The following GRIA1 variants were observed in gnomAD, a reference collection of about 807,000 sequenced individuals.
GRIA1 encodes glutamate receptor 1.
Under a neutral mutation model 99.2 loss-of-function variants are expected in GRIA1, and 31 were observed. That is an observed-to-expected ratio of 0.31 (90% CI 0.23 to 0.42). The LOEUF is 0.42. GRIA1 is among the 10% of genes least tolerant of loss of function. The pLI, the probability that GRIA1 is intolerant of heterozygous loss-of-function variation, is 1.00. For synonymous variants in GRIA1, 438 were observed against 432.4 expected (o/e 1.01, Z -0.16); for missense variants, 782 against 1,157.5 (o/e 0.68, Z 4.71).
intron 2 of GRIA1, among the ~76,000 whole-genome samples, chr5:153,538,555 G>T (rs572355917): frequency 3.3e-5 from 5 of 152,210 alleles, no homozygotes; most frequent in Non-Finnish European, 7.4e-5. Context: ...GTAAGAATAG[G>T]TGGCTCTTAG....
chr5:153,505,009 G>T (rs1755358625), intron 2 of GRIA1, among the ~76,000 whole-genome samples: 1 of 152,124 alleles, frequency 6.6e-6, no homozygotes, highest in African/African-American at 2.4e-5. Flanking sequence ...TTTTTGGCAG[G>T]AACGAAACCT....
At chr5:153,619,703 AGAG>A (rs1048992370) in intron 2 of GRIA1, among the ~76,000 whole-genome samples, 16 of 144,654 alleles carry the variant, frequency 1.1e-4, no homozygotes, top group African/African-American at 4.0e-4. Context: ...TTTAAAAAAA[AGAG>A]AGAGAGAGAG....
At chr5:153,775,921 G>T (rs1764218508) in intron 13 of GRIA1, among the ~76,000 whole-genome samples, 1 of 151,666 alleles carries the variant, frequency 6.6e-6, no homozygotes, top group Admixed American at 6.6e-5. Flanking sequence ...AAAACATGGG[G>T]CTTGTTTTCA....
chr5:153,683,439 G>A (rs1466067897), intron 7 of GRIA1, among the ~76,000 whole-genome samples: 2 of 152,128 alleles, frequency 1.3e-5, no homozygotes, highest in African/African-American at 4.8e-5. Flanking sequence ...TCAGCTCTGA[G>A]TCTCAATAAT....
At chr5:153,533,300 C>A (rs1001841928) in intron 2 of GRIA1, among the ~76,000 whole-genome samples, 2 of 151,756 alleles carry the variant, frequency 1.3e-5, no homozygotes, top group Admixed American at 1.3e-4. Flanking sequence ...CTGAGTTGCA[C>A]AAAAGAAACG....
intron 2 of GRIA1, among the ~76,000 whole-genome samples, chr5:153,508,337 A>G (rs142355991): frequency 8.5e-5 from 13 of 152,318 alleles, no homozygotes; most frequent in African/African-American, 3.1e-4. Context: ...TGACTGAGGA[A>G]CCAAATCTTT....
chr5:153,679,589 T>C (rs1206656052), intron 7 of GRIA1, among the ~76,000 whole-genome samples: 1 of 152,226 alleles, frequency 6.6e-6, no homozygotes, highest in Admixed American at 6.5e-5. Flanking sequence ...CTTATAAGCA[T>C]TGACCTCTGG....
chr5:153,602,739 T>C (rs376565122), intron 2 of GRIA1, among the ~76,000 whole-genome samples: 7 of 152,012 alleles, frequency 4.6e-5, no homozygotes, highest in South Asian at 2.1e-4. Context: ...AGTTCCCACA[T>C]CTCTACGATG....
chr5:153,569,630 G>A (rs542523398), intron 2 of GRIA1, among the ~76,000 whole-genome samples: 32 of 152,332 alleles, frequency 2.1e-4, no homozygotes, highest in South Asian at 1.2e-3. Context: ...TTTTGTGTTT[G>A]CTTAGTACTT....
At chr5:153,656,602 G>A (rs1422899) in intron 5 of GRIA1, among the ~76,000 whole-genome samples, 3 of 151,292 alleles carry the variant, frequency 2.0e-5, no homozygotes, top group African/African-American at 7.3e-5. Flanking sequence ...TGTACCTCCA[G>A]CTTTTTTGTC....
At chr5:153,611,592 G>A (rs1765988354) in intron 2 of GRIA1, among the ~76,000 whole-genome samples, 3 of 152,142 alleles carry the variant, frequency 2.0e-5, no homozygotes, top group Non-Finnish European at 2.9e-5. Context: ...CTGGTGGTCA[G>A]TGGTGATTCT....
intron 2 of GRIA1, among the ~76,000 whole-genome samples, chr5:153,604,902 T>C (rs1033305094): frequency 6.6e-6 from 1 of 152,034 alleles, no homozygotes; most frequent in Non-Finnish European, 1.5e-5. Flanking sequence ...ACATTTAGAA[T>C]ACCTAAAATC....
At chr5:153,756,910 T>C (rs767176454) in intron 11 of GRIA1, among the ~76,000 whole-genome samples, 25 of 152,176 alleles carry the variant, frequency 1.6e-4, no homozygotes, top group Non-Finnish European at 3.4e-4. Context: ...GAGATTGACA[T>C]ACATCCACAA....
intron 2 of GRIA1, among the ~76,000 whole-genome samples, chr5:153,631,531 T>C (rs191489275): frequency 6.6e-6 from 1 of 152,334 alleles, no homozygotes; most frequent in African/African-American, 2.4e-5. Context: ...TTTGAAAGGC[T>C]ATCGGATGAA....
At chr5:153,573,097 G>C (rs1762260296) in intron 2 of GRIA1, 1 of 152,164 alleles carries the variant, frequency 6.6e-6, no homozygotes, top group Admixed American at 6.5e-5. Context: ...GTCTGAAGCT[G>C]GTGGCTAATG....
chr5:153,714,228 G>C lies in GRIA1; in HGVS notation c.1823+8161G>C, dbSNP rs150086182. Among the ~76,000 whole-genome samples the C allele has an allele frequency of 5.8e-3, 877 of 152,248 alleles. 11 individuals carry two copies. Among genetic ancestry groups the C allele is most frequent in the African/African-American group, 0.02 (850 of 41,560 alleles). On this transcript the variant is annotated intron_variant, in intron 11 of 15. Transcript: ENST00000285900. Reference sequence around the variant, plus strand: ...GGAACTCCATGCAGACCAAACAAAAGCATGCCTAGATTCAGCTTGTACGCC... The same window carrying C: ...GGAACTCCATGCAGACCAAACAAAACCATGCCTAGATTCAGCTTGTACGCC...
chr5:153,630,952 G>A (rs369582360), intron 2 of GRIA1, among the ~76,000 whole-genome samples: 8 of 152,150 alleles, frequency 5.3e-5, no homozygotes, highest in Middle Eastern at 3.2e-3. Context: ...TAATGGTAAC[G>A]CCATTTGGAT....
intron 2 of GRIA1, among the ~76,000 whole-genome samples, chr5:153,513,913 G>T (rs771709658): frequency 6.6e-6 from 1 of 152,160 alleles, no homozygotes; most frequent in Non-Finnish European, 1.5e-5. Flanking sequence ...ATGAAAAATT[G>T]CTTGTGAAAT....
At chr5:153,708,724 A>G (rs564633914) in intron 11 of GRIA1, among the ~76,000 whole-genome samples, 1 of 152,314 alleles carries the variant, frequency 6.6e-6, no homozygotes, top group South Asian at 2.1e-4. Context: ...TTGAAAGCCT[A>G]ATACCTTCTT....
Sources: allele counts gnomAD v4.1 joint callset (sites outside exome capture counted in the v4.1 genomes callset), GRCh38; gene constraint gnomAD v4.1.1; transcripts MANE v1.5; gene names NCBI Gene and HGNC (gene_info 2026-07-23, HGNC 2026-07-21).